CSMD1: variants seen among roughly 807,000 people sequenced by gnomAD.
CSMD1 encodes CUB and sushi domain-containing protein 1.
A neutral mutation model predicts 417.5 loss-of-function variants in CSMD1; 213 were observed. The observed-to-expected ratio is 0.51, with a 90% CI of 0.46 to 0.57. The LOEUF (loss-of-function observed/expected upper bound fraction) is 0.57, where lower values mean the gene tolerates loss of function less well. Ranked by LOEUF, CSMD1 falls within the 20% of genes least tolerant of loss-of-function variation. The pLI is 0.00. For synonymous variants in CSMD1, 2,862 were observed against 1,736.8 expected, an observed-to-expected ratio of 1.65 and a Z score of -16.11; for missense variants, 6,923 against 4,529.7, an observed-to-expected ratio of 1.53 and a Z score of -15.17.
intron 3 of CSMD1, among the ~76,000 whole-genome samples, chr8:4,299,812 G>A (rs1007779379): frequency 6.6e-6 from 1 of 151,716 alleles, no homozygotes; most frequent in African/African-American, 2.4e-5. Flanking sequence ...TGTATTTTTA[G>A]TACAGATGGG....
At chr8:4,446,749 G>GTC (rs1563183240) in intron 2 of CSMD1, among the ~76,000 whole-genome samples, 10 of 106,950 alleles carry the variant, frequency 9.4e-5, no homozygotes, top group East Asian at 2.7e-4. Flanking sequence ...GTGTGTGTGT[G>GTC]TGTGTCTGTG....
intron 2 of CSMD1, among the ~76,000 whole-genome samples, chr8:4,455,999 C>G (rs1254757306): frequency 1.2e-5 from 1 of 81,526 alleles, no homozygotes; most frequent in Non-Finnish European, 2.4e-5. Flanking sequence ...CAATAAATTG[C>G]TTATCTTCTC....
At chr8:4,011,139 C>A (rs906473989) in intron 4 of CSMD1, among the ~76,000 whole-genome samples, 1 of 152,166 alleles carries the variant, frequency 6.6e-6, no homozygotes, top group African/African-American at 2.4e-5. Context: ...CTATAACCTT[C>A]AATTTTGATG....
At chr8:4,169,562 A>T (rs532138802) in intron 3 of CSMD1, among the ~76,000 whole-genome samples, 9 of 152,044 alleles carry the variant, frequency 5.9e-5, no homozygotes, top group Non-Finnish European at 2.9e-5. Flanking sequence ...TACTTTTCTC[A>T]TATTTTGCTC....
intron 2 of CSMD1, among the ~76,000 whole-genome samples, chr8:4,491,725 T>C (rs1801712596): frequency 6.6e-6 from 1 of 152,046 alleles, no homozygotes; most frequent in Non-Finnish European, 1.5e-5. Flanking sequence ...CACAACCAAA[T>C]GCTGTTGAGG....
At chr8:3,899,530 T>C (rs1163601444) in intron 5 of CSMD1, among the ~76,000 whole-genome samples, 1 of 152,012 alleles carries the variant, frequency 6.6e-6, no homozygotes, top group Admixed American at 6.6e-5. Context: ...CATAAGGAAG[T>C]GGAAAAACAT....
At position 4,309,383 on chromosome 8, in the gene CSMD1, G is replaced by C. The variant is rs184458586; in HGVS notation, c.415+110570C>G. Among the ~76,000 whole-genome samples, 790 of 152,058 alleles carry C rather than the reference G, an allele frequency of 5.2e-3. 5 individuals carry two copies. Among genetic ancestry groups the C allele is most frequent in the African/African-American group, 0.019 (770 of 41,494 alleles). On this transcript the variant is annotated intron_variant, in intron 3 of 69. Coordinates refer to ENST00000635120, the MANE Select transcript of CSMD1 (RefSeq NM_033225.6). ...TAATCTTTTGTTCTGTAGTCCCTTA[G>C]AGAAGACCCTCAAAAGCTTTGGAAA...
intron 1 of CSMD1, among the ~76,000 whole-genome samples, chr8:4,661,784 C>G (rs921725366): frequency 1.1e-4 from 17 of 152,150 alleles, no homozygotes; most frequent in African/African-American, 4.1e-4. Flanking sequence ...TCGTAATAAT[C>G]CTATATCCAA....
intron 3 of CSMD1, among the ~76,000 whole-genome samples, chr8:4,252,463 A>T (rs1803146055): frequency 6.6e-6 from 1 of 152,250 alleles, no homozygotes; most frequent in African/African-American, 2.4e-5. Flanking sequence ...AACTTGAGTT[A>T]CACTCTAATA....
chr8:3,034,936 G>C (rs1208292267), intron 50 of CSMD1, among the ~76,000 whole-genome samples: 1 of 152,154 alleles, frequency 6.6e-6, no homozygotes, highest in Non-Finnish European at 1.5e-5. Flanking sequence ...TGGAGAAAGG[G>C]AAGGAGGGCC....
intron 1 of CSMD1, among the ~76,000 whole-genome samples, chr8:4,700,658 C>T (rs944435639): frequency 6.6e-6 from 1 of 151,992 alleles, no homozygotes; most frequent in African/African-American, 2.4e-5. Flanking sequence ...AGTAACTGGA[C>T]ACATAAAGAG....
At chr8:3,941,673 T>C (rs2259076) in intron 5 of CSMD1, among the ~76,000 whole-genome samples, 58,474 of 151,906 alleles carry the variant, frequency 0.38, 11,542 homozygotes, top group East Asian at 0.47. Flanking sequence ...CCACGCAGAG[T>C]TTGACTAGAA....
intron 7 of CSMD1, among the ~76,000 whole-genome samples, chr8:3,701,471 A>G (rs1472919114): frequency 1.3e-5 from 2 of 151,412 alleles, no homozygotes; most frequent in East Asian, 2.0e-4. Context: ...AGAGGCTGAC[A>G]TGAGGGCAAA....
Position 3,674,583 on chromosome 8 carries a change from C to T in CSMD1, c.1009+33831G>A, listed in dbSNP as rs574336107. Among the ~76,000 whole-genome samples the T allele has an allele frequency of 6.8e-5, 10 of 147,976 alleles. No individual in the cohort carries two copies. The South Asian group carries it at 2.0e-3, about 29-fold the overall frequency. The stretch of plus-strand genomic sequence containing the variant: ...TATCATGTACTACATTAAGCTACTG[C>T]AAAATATATTATAACTCCAGATTCT... On this transcript the variant is annotated intron_variant, in intron 7 of 69. Transcript: ENST00000635120.
intron 1 of CSMD1, among the ~76,000 whole-genome samples, chr8:4,694,401 G>C (rs1480093699): frequency 2.6e-5 from 4 of 151,904 alleles, no homozygotes; most frequent in South Asian, 2.1e-4. Flanking sequence ...GCCCAGGCTA[G>C]AGTGCAGTCG....
intron 5 of CSMD1, among the ~76,000 whole-genome samples, chr8:3,813,627 A>G (rs1286250564): frequency 6.6e-6 from 1 of 152,204 alleles, no homozygotes; most frequent in Non-Finnish European, 1.5e-5. Flanking sequence ...CCTTTATGCA[A>G]TAATGAACAT....
intron 8 of CSMD1, among the ~76,000 whole-genome samples, chr8:3,589,264 T>C (rs1010110646): frequency 6.6e-6 from 1 of 152,130 alleles, no homozygotes; most frequent in African/African-American, 2.4e-5. Flanking sequence ...ATGAAATCAA[T>C]ACGTTGAAGA....
chr8:4,041,161 C>T (rs1322225108), intron 3 of CSMD1, among the ~76,000 whole-genome samples: 9 of 151,558 alleles, frequency 5.9e-5, no homozygotes, highest in East Asian at 1.9e-4. Flanking sequence ...GGACTACAGG[C>T]GCCCGCCACC....
chr8:4,545,292 G>A (rs1179379673), intron 2 of CSMD1, among the ~76,000 whole-genome samples: 2 of 152,168 alleles, frequency 1.3e-5, no homozygotes, highest in Non-Finnish European at 2.9e-5. Flanking sequence ...AATACTTGTT[G>A]CAAAATGACT....
Sources: gnomAD v4.1 joint callset for allele counts (sites outside exome capture counted in the v4.1 genomes callset) on GRCh38, gnomAD v4.1.1 for gene constraint, MANE v1.5 for transcripts, NCBI Gene and HGNC (gene_info 2026-07-23, HGNC 2026-07-21) for gene names.